Variants in MYL4 observed in about 807,000 individuals in gnomAD.
MYL4 encodes the protein myosin light chain 4.
MYL4 carries 16 observed loss-of-function variants against 21.6 expected under a neutral mutation model. That is an observed-to-expected ratio of 0.74 (90% confidence interval 0.50 to 1.12). The LOEUF (loss-of-function observed/expected upper bound fraction) is 1.12. MYL4 is among the 50% of genes most tolerant of loss of function. The pLI is 0.00. For synonymous variants in MYL4, 82 were observed against 95.7 expected (o/e 0.86, Z 0.83); for missense variants, 249 against 252.9 (o/e 0.98, Z 0.11).
Position 47,223,041 on chromosome 17 carries a change from G to A in MYL4, c.593G>A (p.Ter198=), listed in dbSNP as rs1381681298. Residue 198 remains the stop codon, a stop_retained_variant, in exon 6 of 7, where the codon TGA becomes TAA. Coordinates refer to ENST00000393450, the MANE Select transcript of MYL4 (RefSeq NM_002476.2). ...TTTGTCAAGCACATCATGTCAGGGT[G>A]AAGCAGAGTCTTCCAGGTGAGTGCA... ...EAFVKHIMSG[*] 20 of 1,614,146 alleles carry A rather than the reference G, an allele frequency of 1.2e-5. No individual in the cohort carries two copies. Among genetic ancestry groups the A allele is most frequent in the East Asian group, 4.5e-5 (2 of 44,880 alleles).
rs202080282 is a variant in MYL4, at chr17:47,221,720, C to T, written c.352C>T (p.Pro118Ser). 9 of 1,614,038 alleles carry T rather than the reference C, an allele frequency of 5.6e-6. No individual in the cohort carries two copies. In the East Asian group the frequency reaches 1.8e-4, roughly 32 times the overall value. ...GATGCTGGACTTTGAGACGTTCTTGCCCATCCTGCAGCACATTTCCCGCAA... is the reference window on the plus strand; with the variant it reads ...GATGCTGGACTTTGAGACGTTCTTGTCCATCCTGCAGCACATTTCCCGCAA... ...VKMLDFETFL[P>S]ILQHISRNKE... is the part of the protein sequence containing the mutation. The change falls in exon 4 of 7, where the codon CCC becomes TCC. Residue 118 changes from proline (P) to serine (S), a missense_variant. By Grantham distance (74) the Pro-to-Ser change is moderately conservative (BLOSUM62 -1). Transcript: ENST00000393450.
At chr17:47,223,125 C>A in intron 6 of MYL4, 68 bp downstream of exon 6, 1 of 1,528,290 alleles carries the variant, frequency 6.5e-7, no homozygotes, top group Non-Finnish European at 9.1e-7. Flanking sequence ...ACACCATGTG[C>A]CCTAGAAGGC....
downstream of MYL4, among the ~76,000 whole-genome samples, chr17:47,225,282 T>C (rs984772553): frequency 1.3e-5 from 2 of 152,208 alleles, no homozygotes; most frequent in African/African-American, 2.4e-5. Context: ...CAGATTTTCT[T>C]TGAGGAAGGG....
chr17:47,220,550 C>T (rs1192560100), intron 3 of MYL4, among the ~76,000 whole-genome samples: 6 of 152,230 alleles, frequency 3.9e-5, no homozygotes, highest in Non-Finnish European at 5.9e-5. Flanking sequence ...CTTAGCTCTA[C>T]GTGCTGCCTC....
Position 47,219,905 on chromosome 17 carries a change from G to A in MYL4, c.165G>A (p.Glu55=), listed in dbSNP as rs2064841946. 2 of 1,614,118 alleles carry A rather than the reference G, an allele frequency of 1.2e-6. No individual in the cohort carries two copies. Among genetic ancestry groups the A allele is most frequent in the South Asian group, 1.1e-5 (1 of 91,092 alleles). ...TATAGCTGGGTCTTCTCTCCACAGA[G>A]TTCAAAGAGGCCTTTTCATTGTTTG... The part of the protein sequence containing the change: ...KIDFTADQIE[E]FKEAFSLFDR... The change falls in exon 3 of 7, where the codon GAG becomes GAA. Residue 55 remains glutamate, a splice_region_variant and synonymous_variant. Transcript: ENST00000393450.
At chr17:47,210,183 A>T (rs950746117) in intron 1 of MYL4, among the ~76,000 whole-genome samples, 4 of 152,166 alleles carry the variant, frequency 2.6e-5, no homozygotes, top group African/African-American at 9.7e-5. Flanking sequence ...TATCTGTAGC[A>T]TGCAGAGGAC....
chr17:47,203,526 T>C (rs2064716845), intron 1 of MYL4, among the ~76,000 whole-genome samples: 1 of 152,202 alleles, frequency 6.6e-6, no homozygotes, highest in African/African-American at 2.4e-5. Context: ...CTATTATACT[T>C]TTTATAGTTG....
chr17:47,190,529 C>T, the MYL4 span, among the ~76,000 whole-genome samples: 1 of 152,178 alleles, frequency 6.6e-6, no homozygotes, highest in Admixed American at 6.5e-5. Context: ...TTGGAAATTT[C>T]CCTTTGGGTG....
At chr17:47,189,544 C>G in the MYL4 span, 2 of 336,480 alleles carry the variant, frequency 5.9e-6, no homozygotes, top group Non-Finnish European at 1.2e-5. Context: ...GGTTGGGCTA[C>G]GCCAAATCTG....
At position 47,209,517 on chromosome 17, in the gene MYL4, A is replaced by G; in HGVS notation, c.95A>G (p.Glu32Gly). 6.2e-7 allele frequency: 1 copy of G among 1,614,200 alleles called. No individual in the cohort carries two copies. Among genetic ancestry groups the G allele is most frequent in the South Asian group, 1.1e-5 (1 of 91,080 alleles). ...GCACCAGCCCCTGCCCCAGCTCCTGAGGCTCCCAAGGAACCTGCCTTTGAC... is the reference window on the plus strand; with the variant it reads ...GCACCAGCCCCTGCCCCAGCTCCTGGGGCTCCCAAGGAACCTGCCTTTGAC... ...APAPAPAPAP[E>G]APKEPAFDPK... The change falls in exon 1 of 7, where the codon GAG becomes GGG. Residue 32 changes from glutamate (E) to glycine (G), a missense_variant. Coordinates refer to ENST00000393450, the MANE Select transcript of MYL4 (RefSeq NM_002476.2).
upstream of MYL4, among the ~76,000 whole-genome samples, chr17:47,197,224 G>A (rs560591153): frequency 2.0e-5 from 3 of 149,408 alleles, no homozygotes; most frequent in Non-Finnish European, 4.4e-5. Flanking sequence ...TCAGCCTCCC[G>A]AGTAGCTGGG....
At chr17:47,218,978 C>A (rs554464452) in intron 2 of MYL4, among the ~76,000 whole-genome samples, 70 of 152,298 alleles carry the variant, frequency 4.6e-4, no homozygotes, top group African/African-American at 1.7e-3. Flanking sequence ...CACAATTTGT[C>A]GATTCCCTTA....
At chr17:47,224,212 T>A (rs2064876900), downstream of MYL4, among the ~76,000 whole-genome samples, 1 of 152,180 alleles carries the variant, frequency 6.6e-6, no homozygotes, top group African/African-American at 2.4e-5. Context: ...TTAATGGATT[T>A]ACAGTTCCAC....
At chr17:47,202,996 GGCT>G (rs2064715021) in intron 1 of MYL4, among the ~76,000 whole-genome samples, 1 of 152,048 alleles carries the variant, frequency 6.6e-6, no homozygotes, top group Non-Finnish European at 1.5e-5. Flanking sequence ...CTGTTGCCCA[GGCT>G]GGAGTGCAGT....
chr17:47,196,095 C>T (rs181113342), upstream of MYL4, among the ~76,000 whole-genome samples: 3 of 152,224 alleles, frequency 2.0e-5, no homozygotes, highest in East Asian at 5.8e-4. Context: ...GAAGCTAACC[C>T]CTAGTGTGGC....
At chr17:47,194,549 C>T in the MYL4 span, among the ~76,000 whole-genome samples, 3 of 152,174 alleles carry the variant, frequency 2.0e-5, no homozygotes, top group South Asian at 2.1e-4. Context: ...CTAGTCGCAA[C>T]GACCTGCCAA....
rs146235963 is a variant in MYL4, at chr17:47,210,552, G to T, written c.135+995G>T. Among the ~76,000 whole-genome samples the T allele has an allele frequency of 1.4e-3, 207 of 152,216 alleles. 1 individual carries two copies. The highest frequency in any genetic ancestry group is 4.7e-3 in the African/African-American group (194 of 41,524). On this transcript the variant is annotated intron_variant, in intron 1 of 6. Transcript: ENST00000393450. ...TCTCAGCCTTAGGACAGGGCTGGGG[G>T]TGGTGAGGGATCAGGTCAAAATAAG... is the stretch of plus-strand genomic sequence containing the variant.
chr17:47,208,259 CA>C (rs913633906), upstream of MYL4, among the ~76,000 whole-genome samples: 34 of 151,900 alleles, frequency 2.2e-4, no homozygotes, highest in Admixed American at 4.6e-4. Context: ...TACTGAAAAA[CA>C]AAAAACAAAA....
intron 1 of MYL4, among the ~76,000 whole-genome samples, chr17:47,210,682 G>A (rs945157615): frequency 6.6e-6 from 1 of 152,022 alleles, no homozygotes; most frequent in East Asian, 1.9e-4. Flanking sequence ...ACCCACAGCC[G>A]GGATAACCCT....
Sources: gnomAD v4.1 joint callset for allele counts (sites outside exome capture counted in the v4.1 genomes callset) on GRCh38, gnomAD v4.1.1 for gene constraint, MANE v1.5 for transcripts, NCBI Gene and HGNC (gene_info 2026-07-23, HGNC 2026-07-21) for gene names.